Variants in KAZN observed in about 807,000 individuals in gnomAD.
The protein encoded by KAZN is kazrin, periplakin interacting protein, also known as kazrin.
In KAZN, 40 loss-of-function variants were observed where a neutral mutation model predicts 87.4. That is an observed-to-expected ratio of 0.46 (90% CI 0.36 to 0.60). KAZN has a LOEUF of 0.60. Ranked by LOEUF, KAZN falls within the 20% of genes least tolerant of loss-of-function variation. The pLI is 0.00. For missense variants in KAZN, 898 were observed against 1,073.9 expected (o/e 0.84, Z 2.29); for synonymous variants, 466 against 458.3 (o/e 1.02, Z -0.22).
chr1:14,614,263 T>C (rs796591695), intron 1 of KAZN, among the ~76,000 whole-genome samples: 6 of 152,390 alleles, frequency 3.9e-5, no homozygotes, highest in East Asian at 1.9e-4. Context: ...ACCATTTCCC[T>C]GTTCCTCTGC....
intron 8 of KAZN, chr1:15,067,250 C>T (rs1466554707): frequency 2.0e-6 from 2 of 985,538 alleles, no homozygotes; most frequent in Non-Finnish European, 2.4e-6. Flanking sequence ...TGGTTGGTTC[C>T]ATCAGCCACA....
rs111603224 is a variant in KAZN, at chr1:14,464,260, A to G, written c.250-134723A>G. On this transcript the variant is annotated intron_variant, in intron 2 of 16. Transcript: ENST00000636203. ...AAAGTACAGACTGCAGATGTGAGTT[A>G]CTTGGCTTGCAAAGTAGTGTTATAA... Among the ~76,000 whole-genome samples the G allele has an allele frequency of 2.5e-3, 387 of 152,366 alleles. 4 individuals carry two copies. The highest frequency in any genetic ancestry group is 8.9e-3 in the African/African-American group (372 of 41,582).
chr1:14,232,303 T>TG, intron 2 of KAZN, among the ~76,000 whole-genome samples: 1 of 152,234 alleles, frequency 6.6e-6, no homozygotes, highest in African/African-American at 2.4e-5. Context: ...GCGCAGGCAG[T>TG]GGGGGATATA....
chr1:14,322,162 G>A (rs1656090225), intron 2 of KAZN, among the ~76,000 whole-genome samples: 1 of 152,108 alleles, frequency 6.6e-6, no homozygotes, highest in Admixed American at 6.5e-5. Flanking sequence ...ATGGTGACAT[G>A]TGCCTGTACT....
rs1279119455 is a variant in KAZN at position 14,856,114 on chromosome 1, A to G, written c.227-104570A>G. ...GGGGTTTGGGTTTAAGTTACGTAGT[A>G]GTTATTGCAAGGGTCTGTGCTATAA... On this transcript the variant is annotated intron_variant, in intron 1 of 14. Coordinates refer to ENST00000376030, the MANE Select transcript of KAZN (RefSeq NM_201628.3). The surrounding 1 kb of genome is among the most constrained non-coding windows in gnomAD (Gnocchi z 5.2). Among the ~76,000 whole-genome samples the G allele has an allele frequency of 1.3e-5, 2 of 152,186 alleles. No individual in the cohort carries two copies. Among genetic ancestry groups the G allele is most frequent in the African/African-American group, 2.4e-5 (1 of 41,428 alleles).
intron 1 of KAZN, among the ~76,000 whole-genome samples, chr1:13,968,810 T>A (rs987232458): frequency 7.3e-5 from 9 of 123,494 alleles, no homozygotes; most frequent in Non-Finnish European, 1.6e-4. Flanking sequence ...GAACATCTAC[T>A]CTACATTCTG....
At chr1:14,456,571 C>T (rs1395951854) in intron 2 of KAZN, among the ~76,000 whole-genome samples, 3 of 152,166 alleles carry the variant, frequency 2.0e-5, no homozygotes, top group Non-Finnish European at 2.9e-5. Context: ...CACAGTGTTG[C>T]AAGATCCATC....
At chr1:15,051,046 C>G (rs775990430) in intron 4 of KAZN, among the ~76,000 whole-genome samples, 3 of 152,230 alleles carry the variant, frequency 2.0e-5, no homozygotes, top group Non-Finnish European at 4.4e-5. Context: ...GCCTTGTGCC[C>G]GCTCAGTGCC....
intron 2 of KAZN, among the ~76,000 whole-genome samples, chr1:14,194,872 G>C (rs545226766): frequency 4.6e-5 from 7 of 152,244 alleles, no homozygotes; most frequent in African/African-American, 1.7e-4. Context: ...AGAGATTTGA[G>C]ATTGAGGAGC....
chr1:13,932,818 G>A (rs1196241436), intron 1 of KAZN, among the ~76,000 whole-genome samples: 1 of 152,130 alleles, frequency 6.6e-6, no homozygotes, highest in Non-Finnish European at 1.5e-5. Flanking sequence ...AGGTTGTCAC[G>A]CATGTATCTT....
chr1:14,478,874 A>G (rs1345689583), intron 2 of KAZN, among the ~76,000 whole-genome samples: 2 of 152,238 alleles, frequency 1.3e-5, no homozygotes, highest in Non-Finnish European at 2.9e-5. Flanking sequence ...GGATACAGGT[A>G]GTTTATTGGG....
At chr1:14,339,462 T>C (rs569484703) in intron 2 of KAZN, among the ~76,000 whole-genome samples, 1 of 152,240 alleles carries the variant, frequency 6.6e-6, no homozygotes, top group South Asian at 2.1e-4. Context: ...AAGAGACTTA[T>C]TACTGTAAGG....
intron 2 of KAZN, among the ~76,000 whole-genome samples, chr1:14,283,310 CAT>C (rs2100722397): frequency 6.6e-6 from 1 of 152,248 alleles, no homozygotes; most frequent in Admixed American, 6.5e-5. Context: ...CAGAAACAAA[CAT>C]GTTCTTAATT....
At chr1:14,137,163 G>A (rs1645125426) in intron 1 of KAZN, among the ~76,000 whole-genome samples, 1 of 152,134 alleles carries the variant, frequency 6.6e-6, no homozygotes, top group Non-Finnish European at 1.5e-5. Context: ...CAGAGCTCCG[G>A]GAATGGAGTC....
intron 1 of KAZN, among the ~76,000 whole-genome samples, chr1:13,924,106 G>T (rs1640178439): frequency 6.6e-6 from 1 of 151,782 alleles, no homozygotes; most frequent in Admixed American, 6.6e-5. Context: ...ATGGCTCACT[G>T]CTTCCCAGTG....
chr1:14,180,480 T>C, exon 2 of KAZN: 2 of 1,550,452 alleles, frequency 1.3e-6, no homozygotes, highest in Non-Finnish European at 1.7e-6. Context: ...TCCCATTTTA[T>C]TGTCACCAAG....
chr1:14,830,401 TTTAA>T (rs758994055), intron 1 of KAZN, among the ~76,000 whole-genome samples: 4 of 152,206 alleles, frequency 2.6e-5, no homozygotes, highest in Non-Finnish European at 5.9e-5. Context: ...GATGCTGTGC[TTTAA>T]TTGTCAGGCC....
intron 1 of KAZN, among the ~76,000 whole-genome samples, chr1:14,073,620 A>G (rs1643331669): frequency 6.6e-6 from 1 of 151,496 alleles, no homozygotes; most frequent in African/African-American, 2.4e-5. Flanking sequence ...CTCATTGTTC[A>G]GCTCCCACTT....
At chr1:14,032,117 A>T (rs1306864135) in intron 1 of KAZN, among the ~76,000 whole-genome samples, 1 of 151,954 alleles carries the variant, frequency 6.6e-6, no homozygotes, top group African/African-American at 2.4e-5. Flanking sequence ...ACAACTTCCC[A>T]TCCCCTGGCT....
Sources: gnomAD v4.1 joint callset for allele counts (sites outside exome capture counted in the v4.1 genomes callset) on GRCh38, gnomAD v4.1.1 for gene constraint, Gnocchi (gnomAD v3.1) non-coding constraint, MANE v1.5 for transcripts, NCBI Gene and HGNC (gene_info 2026-07-23, HGNC 2026-07-21) for gene names.